SHANK2: variants seen among roughly 807,000 people sequenced by gnomAD.
SHANK2 encodes SH3 and multiple ankyrin repeat domains 2.
In SHANK2, 43 loss-of-function variants were observed where a neutral mutation model predicts 133.7. The observed-to-expected ratio is 0.32, with a 90% CI of 0.25 to 0.41. The LOEUF is 0.41. SHANK2 is among the 10% of genes least tolerant of loss of function. The pLI is 1.00. For missense variants in SHANK2, 1,994 were observed against 2,235.8 expected (o/e 0.89, Z 2.18); for synonymous variants, 1,017 against 952.8 (o/e 1.07, Z -1.24).
chr11:71,146,654 C>A (rs1590956673), intron 3 of SHANK2, among the ~76,000 whole-genome samples: 1 of 152,170 alleles, frequency 6.6e-6, no homozygotes, highest in African/African-American at 2.4e-5. Flanking sequence ...GGGCTGTACC[C>A]CCTGGAAGTG....
At chr11:71,110,667 G>T (rs533096632) in intron 5 of SHANK2, among the ~76,000 whole-genome samples, 2 of 152,248 alleles carry the variant, frequency 1.3e-5, no homozygotes, top group African/African-American at 4.8e-5. Flanking sequence ...ACCCACCCTC[G>T]CCAGGGTGCA....
chr11:70,759,954 A>C (rs534309430), intron 14 of SHANK2, among the ~76,000 whole-genome samples: 68 of 152,238 alleles, frequency 4.5e-4, no homozygotes, highest in Non-Finnish European at 5.1e-4. Context: ...CGGAGCTTCC[A>C]GAAGGAACCC....
At chr11:70,561,222 T>C (rs190770066) in intron 17 of SHANK2, among the ~76,000 whole-genome samples, 5 of 152,216 alleles carry the variant, frequency 3.3e-5, no homozygotes, top group Middle Eastern at 3.4e-3. Flanking sequence ...GGTGTGATCA[T>C]AGCTCACTGC....
chr11:71,253,179 C>A (rs1405565474), upstream of SHANK2, among the ~76,000 whole-genome samples: 1 of 152,140 alleles, frequency 6.6e-6, no homozygotes, highest in Non-Finnish European at 1.5e-5. Flanking sequence ...GCCAACGGCT[C>A]GGGTGAATCC....
At chr11:70,648,322 A>G (rs1424899370) in intron 17 of SHANK2, among the ~76,000 whole-genome samples, 3 of 152,046 alleles carry the variant, frequency 2.0e-5, no homozygotes, top group Admixed American at 1.3e-4. Context: ...AAAAAGACAT[A>G]CCCAAGTGAA....
chr11:71,086,516 AAT>A (rs1484995898), intron 8 of SHANK2, among the ~76,000 whole-genome samples: 35 of 140,674 alleles, frequency 2.5e-4, no homozygotes, highest in African/African-American at 6.8e-4. Flanking sequence ...TATTATATAT[AAT>A]ATATAATATA....
At chr11:70,716,166 G>A (rs781008988) in intron 14 of SHANK2, among the ~76,000 whole-genome samples, 147 of 152,280 alleles carry the variant, frequency 9.7e-4, no homozygotes, top group Non-Finnish European at 1.8e-3. Flanking sequence ...GCCAATCAGA[G>A]CACCTCGAAG....
intron 11 of SHANK2, among the ~76,000 whole-genome samples, chr11:70,856,299 T>G (rs1949170877): frequency 1.3e-5 from 2 of 149,672 alleles, no homozygotes; most frequent in South Asian, 4.2e-4. Flanking sequence ...CACAGATGAA[T>G]GGATGGGTGA....
chr11:70,882,136 T>C lies in SHANK2; in HGVS notation c.1174+14365A>G, dbSNP rs1425762384. ...AGGGTTAAAGGGTGACTCACTGGCA[T>C]GATGCTGGCAGGTGAGACAAACAGC... On this transcript the variant is annotated intron_variant, in intron 11 of 25. Transcript: ENST00000601538. This position sits in a 1 kb window ranked among gnomAD's most constrained non-coding sequence, Gnocchi z 4.2. 3.9e-5 allele frequency among the ~76,000 whole-genome samples: 6 copies of C among 151,970 alleles called. No individual in the cohort carries two copies. Among genetic ancestry groups the C allele is most frequent in the African/African-American group, 1.5e-4 (6 of 41,360 alleles).
chr11:70,874,005 A>G (rs997078848), intron 11 of SHANK2, among the ~76,000 whole-genome samples: 5 of 152,288 alleles, frequency 3.3e-5, no homozygotes, highest in Admixed American at 3.3e-4. Flanking sequence ...TTTTGAACAG[A>G]CTAAAGAACA....
Position 70,470,991 on chromosome 11 carries a change from T to A in SHANK2, c.*1878A>T. 3.5e-6 allele frequency: 1 copy of A among 286,832 alleles called. No homozygotes were observed. The highest frequency in any genetic ancestry group is 6.4e-6 in the Non-Finnish European group (1 of 156,690). 17.8% of individuals were successfully genotyped at this position (286,832 alleles called of 1,614,324 possible). On this transcript the variant is annotated 3_prime_UTR_variant, in exon 26 of 26. Coordinates refer to ENST00000601538, the MANE Select transcript of SHANK2 (RefSeq NM_012309.5). ...TATAACACAGCTCTGCTGGTTCAGATGCATCCAAATAAGGTTGATTTAAAA... is the reference window on the plus strand; with the variant it reads ...TATAACACAGCTCTGCTGGTTCAGAAGCATCCAAATAAGGTTGATTTAAAA...
chr11:70,553,758 T>A (rs1345508781), intron 17 of SHANK2, among the ~76,000 whole-genome samples: 1 of 152,212 alleles, frequency 6.6e-6, no homozygotes, highest in African/African-American at 2.4e-5. Context: ...CACTTGAGCT[T>A]CCAGTGATGA....
intron 14 of SHANK2, 152 bp downstream of exon 14, chr11:70,798,291 C>T: frequency 1.5e-6 from 1 of 651,904 alleles, no homozygotes; most frequent in Non-Finnish European, 2.8e-6. Flanking sequence ...TGAAAGCAAC[C>T]AACCTGTTTC....
chr11:71,066,148 T>G (rs879224710), intron 9 of SHANK2, among the ~76,000 whole-genome samples: 201 of 1,678 alleles, frequency 0.12, no homozygotes, highest in Non-Finnish European at 0.14. Flanking sequence ...GGAAGTTGGG[T>G]GGGGGGGGTG....
chr11:70,884,520 C>T (rs1031330830), intron 11 of SHANK2, among the ~76,000 whole-genome samples: 1 of 152,206 alleles, frequency 6.6e-6, no homozygotes, highest in Admixed American at 6.5e-5. Context: ...GGACCACACC[C>T]GACCCATGGC....
intron 17 of SHANK2, among the ~76,000 whole-genome samples, chr11:70,654,776 T>G (rs2061384926): frequency 6.6e-6 from 1 of 151,620 alleles, no homozygotes; most frequent in Non-Finnish European, 1.5e-5. Context: ...TTTTTTGTTT[T>G]TTTTTTTTTG....
At chr11:70,870,445 G>A (rs1949441347) in intron 11 of SHANK2, among the ~76,000 whole-genome samples, 1 of 152,190 alleles carries the variant, frequency 6.6e-6, no homozygotes, top group Non-Finnish European at 1.5e-5. Flanking sequence ...AACTGAGATG[G>A]GGTGCCCAGG....
At chr11:70,873,699 G>C (rs955656635) in intron 11 of SHANK2, among the ~76,000 whole-genome samples, 2 of 151,648 alleles carry the variant, frequency 1.3e-5, no homozygotes, top group Non-Finnish European at 2.9e-5. Flanking sequence ...GACATTGAGT[G>C]CGTCCCCTGC....
chr11:70,647,894 C>T (rs1290334332), intron 17 of SHANK2, among the ~76,000 whole-genome samples: 3 of 152,192 alleles, frequency 2.0e-5, no homozygotes, highest in Non-Finnish European at 4.4e-5. Context: ...AGAATGACCA[C>T]CTGACCCAGC....
Sources: gnomAD v4.1 joint callset for allele counts (sites outside exome capture counted in the v4.1 genomes callset) on GRCh38, gnomAD v4.1.1 for gene constraint, Gnocchi (gnomAD v3.1) non-coding constraint, MANE v1.5 for transcripts, NCBI Gene and HGNC (gene_info 2026-07-23, HGNC 2026-07-21) for gene names.